CYP26B1: variants seen among roughly 807,000 people sequenced by gnomAD.
CYP26B1 encodes the protein cytochrome P450 family 26 subfamily B member 1.
CYP26B1 carries 8 observed loss-of-function variants against 39.1 expected under a neutral mutation model. The observed-to-expected ratio is 0.20, with a 90% CI of 0.12 to 0.37. The LOEUF is 0.37. Among genes scored for constraint, CYP26B1 ranks in the 10% least tolerant of loss-of-function variants. The pLI is 1.00. For synonymous variants in CYP26B1, 321 were observed against 314.3 expected, an observed-to-expected ratio of 1.02 and a Z score of -0.23; for missense variants, 615 against 707.0, an observed-to-expected ratio of 0.87 and a Z score of 1.48.
In CYP26B1 at chr2:72,135,051, G is replaced by A. The variant is rs779886375; in HGVS notation, c.705+93C>T. 883 of 1,602,550 alleles carry A rather than the reference G, an allele frequency of 5.5e-4. 1 individual carries two copies. The highest frequency in any genetic ancestry group is 5.6e-4 in the Non-Finnish European group (656 of 1,177,374). On this transcript the variant is annotated intron_variant, in intron 3 of 5. Coordinates refer to ENST00000001146, the MANE Select transcript of CYP26B1 (RefSeq NM_019885.4). ...CTTTGTCCATGTGCCCTGTGCCTAG[G>A]TGCCCATCTCAGGGGTCAGGTCAGC... is the stretch of plus-strand genomic sequence containing the variant.
intron 2 of CYP26B1, among the ~76,000 whole-genome samples, chr2:72,137,064 A>G (rs1676799611): frequency 6.6e-6 from 1 of 152,180 alleles, no homozygotes; most frequent in Non-Finnish European, 1.5e-5. Flanking sequence ...CAGAAAGGTC[A>G]TACCTGGCCC....
rs1441075840 is a variant in CYP26B1, at chr2:72,147,166, A to G, written c.204+465T>C. On this transcript the variant is annotated intron_variant, in intron 1 of 5. Transcript: ENST00000001146. The surrounding 1 kb of genome is among the most constrained non-coding windows in gnomAD (Gnocchi z 6.1). ...AACACAGTTTTAAATCGGCAATTCAAGCTGCCACCAGCCCCCTCCTCTCCC... is the reference window on the plus strand; with the variant it reads ...AACACAGTTTTAAATCGGCAATTCAGGCTGCCACCAGCCCCCTCCTCTCCC... Among the ~76,000 whole-genome samples the G allele has an allele frequency of 4.6e-5, 7 of 152,058 alleles. No individual in the cohort carries two copies. The highest frequency in any genetic ancestry group is 1.9e-4 in the East Asian group (1 of 5,158).
rs1436185408 is a variant in CYP26B1, at chr2:72,131,327, G to C, written c.*900C>G. The stretch of plus-strand genomic sequence containing the variant: ...TTTCAACCCTAGGCCCTGGGGGCTG[G>C]GTTTGACCAGAGACCCCTTCCTCTT... On this transcript the variant is annotated 3_prime_UTR_variant, in exon 6 of 6. Transcript: ENST00000001146. 3.3e-5 allele frequency: 5 copies of C among 152,268 alleles called. No homozygotes were observed. Among genetic ancestry groups the C allele is most frequent in the South Asian group, 2.1e-4 (1 of 4,834 alleles). 9.4% of individuals were successfully genotyped at this position (152,268 alleles called of 1,614,324 possible). A position where few individuals can be genotyped will look rare whatever the true frequency, so the allele number is the denominator to read the frequency against.
intron 1 of CYP26B1, among the ~76,000 whole-genome samples, chr2:72,145,565 T>TTCCC (rs1677100025): frequency 6.6e-6 from 1 of 152,156 alleles, no homozygotes; most frequent in Non-Finnish European, 1.5e-5. Context: ...AGGCGAGGGT[T>TTCCC]TCCCTCCCTC....
intron 1 of CYP26B1, among the ~76,000 whole-genome samples, chr2:72,145,538 C>T (rs1291315793): frequency 6.6e-6 from 1 of 152,218 alleles, no homozygotes; most frequent in Non-Finnish European, 1.5e-5. Context: ...AGGTGGGGTG[C>T]GACAGAAGGG....
chr2:72,132,895 T>C (rs1676634812), intron 5 of CYP26B1, 128 bp downstream of exon 5: 1 of 1,485,516 alleles, frequency 6.7e-7, no homozygotes, highest in Admixed American at 2.0e-5. Flanking sequence ...GACTGAAAGC[T>C]CCCTGAAAGC....
intron 3 of CYP26B1, 77 bp downstream of exon 3, chr2:72,135,067 T>C: frequency 1.2e-6 from 2 of 1,605,726 alleles, no homozygotes; most frequent in Non-Finnish European, 1.7e-6. Flanking sequence ...ATCTCAGGGG[T>C]CAGGTCAGCC....
At chr2:72,146,127 C>T (rs1677116213) in intron 1 of CYP26B1, among the ~76,000 whole-genome samples, 1 of 151,986 alleles carries the variant, frequency 6.6e-6, no homozygotes. Context: ...CCCAGGGGCT[C>T]TTGTGGGATT....
At chr2:72,133,398 C>A in intron 4 of CYP26B1, 91 bp from the exon 5 acceptor site, 1 of 1,493,906 alleles carries the variant, frequency 6.7e-7, no homozygotes, top group South Asian at 1.2e-5. Flanking sequence ...GTGCCCAGGT[C>A]ATCTGTGCTG....
At chr2:72,136,359 C>A (rs1364032446) in intron 2 of CYP26B1, among the ~76,000 whole-genome samples, 1 of 152,200 alleles carries the variant, frequency 6.6e-6, no homozygotes, top group Non-Finnish European at 1.5e-5. Context: ...CCAAACACAA[C>A]CACCGCATAA....
At chr2:72,137,110 T>C (rs965166149) in intron 2 of CYP26B1, among the ~76,000 whole-genome samples, 1 of 152,094 alleles carries the variant, frequency 6.6e-6, no homozygotes, top group African/African-American at 2.4e-5. Flanking sequence ...AGGGGTTCTG[T>C]CACGAAGAGT....
intron 1 of CYP26B1, 158 bp from the exon 2 acceptor site, chr2:72,144,371 T>C: frequency 7.0e-7 from 1 of 1,437,502 alleles, no homozygotes; most frequent in Non-Finnish European, 9.1e-7. Context: ...TTTCATAGCG[T>C]GCACAAGAAC....
In CYP26B1 at chr2:72,134,742, G is replaced by A; in HGVS notation, c.861+19C>T. On this transcript the variant is annotated intron_variant, in intron 4 of 5. Coordinates refer to ENST00000001146, the MANE Select transcript of CYP26B1 (RefSeq NM_019885.4). ...CCTGGGTGCTGGTGCTGCCCGTGAG[G>A]GGCACACGCCCACCCCACCTTCAGC... 6.2e-7 allele frequency: 1 copy of A among 1,607,778 alleles called. No individual in the cohort carries two copies. Among genetic ancestry groups the A allele is most frequent in the Non-Finnish European group, 8.5e-7 (1 of 1,176,992 alleles).
In CYP26B1 at chr2:72,135,133, T is replaced by C; in HGVS notation, c.705+11A>G. 6.2e-7 allele frequency: 1 copy of C among 1,612,104 alleles called. No homozygotes were observed. Among genetic ancestry groups the C allele is most frequent in the Non-Finnish European group, 8.5e-7 (1 of 1,179,898 alleles). On this transcript the variant is annotated intron_variant, in intron 3 of 5. Coordinates refer to ENST00000001146, the MANE Select transcript of CYP26B1 (RefSeq NM_019885.4). The stretch of plus-strand genomic sequence containing the variant: ...CCCCTGCTCCTCTCCTCCCAGGCCC[T>C]GGGTGCTCACCCGCCGGTAGCCACT...
At chr2:72,141,831 G>A (rs1676952644) in intron 2 of CYP26B1, among the ~76,000 whole-genome samples, 1 of 152,160 alleles carries the variant, frequency 6.6e-6, no homozygotes, top group Non-Finnish European at 1.5e-5. Context: ...AGATTTGGGG[G>A]GAAGGATCCT....
chr2:72,129,950 C>A lies in CYP26B1; in HGVS notation c.*2277G>T, dbSNP rs1676514082. 1 of 152,166 alleles carries A rather than the reference C, an allele frequency of 6.6e-6. No individual in the cohort carries two copies. The highest frequency in any genetic ancestry group is 1.5e-5 in the Non-Finnish European group (1 of 68,054). The allele number at this position is 152,166 out of a possible 1,614,324, so 9.4% of individuals were successfully genotyped here. On this transcript the variant is annotated 3_prime_UTR_variant, in exon 6 of 6. Coordinates refer to ENST00000001146, the MANE Select transcript of CYP26B1 (RefSeq NM_019885.4). ...GCTTTCTTCAGCTCTCTTCTCACTGCCTTTGAGACCCAGCGGGGCAAATGA... is the reference window on the plus strand; with the variant it reads ...GCTTTCTTCAGCTCTCTTCTCACTGACTTTGAGACCCAGCGGGGCAAATGA...
intron 4 of CYP26B1, 152 bp from the exon 5 acceptor site, chr2:72,133,459 G>A: frequency 9.6e-7 from 1 of 1,042,954 alleles, no homozygotes; most frequent in Non-Finnish European, 1.4e-6. Flanking sequence ...GCTTCATGTT[G>A]CCGGGGCATT....
rs946669548 is a variant in CYP26B1, at chr2:72,147,602, G to A, written c.204+29C>T. ...CCCGCGCTCGCAGCTAGCGGACCCCGGAGTGCAGCGGAGCGAGCGCGCCCT... is the reference window on the plus strand; with the variant it reads ...CCCGCGCTCGCAGCTAGCGGACCCCAGAGTGCAGCGGAGCGAGCGCGCCCT... On this transcript the variant is annotated intron_variant, in intron 1 of 5. Coordinates refer to ENST00000001146, the MANE Select transcript of CYP26B1 (RefSeq NM_019885.4). This position sits in a 1 kb window ranked among gnomAD's most constrained non-coding sequence, Gnocchi z 6.1. 11 of 1,591,048 alleles carry A rather than the reference G, an allele frequency of 6.9e-6. No homozygotes were observed. Among genetic ancestry groups the A allele is most frequent in the Non-Finnish European group, 9.4e-6 (11 of 1,171,176 alleles).
intron 2 of CYP26B1, among the ~76,000 whole-genome samples, chr2:72,141,539 G>C (rs550964721): frequency 6.6e-6 from 1 of 152,156 alleles, no homozygotes; most frequent in Admixed American, 6.5e-5. Flanking sequence ...CTTCCTGCAC[G>C]TACCTCCTAA....
Sources: allele counts gnomAD v4.1 joint callset (sites outside exome capture counted in the v4.1 genomes callset), GRCh38; gene constraint gnomAD v4.1.1; non-coding constraint Gnocchi (gnomAD v3.1); transcripts MANE v1.5; gene names NCBI Gene and HGNC (gene_info 2026-07-23, HGNC 2026-07-21).